KIAA0513: variants seen among roughly 807,000 people sequenced by gnomAD.
KIAA0513 encodes the protein KIAA0513, also known as uncharacterized protein KIAA0513.
In KIAA0513, 39 loss-of-function variants were observed where a neutral mutation model predicts 56.5. The ratio of observed to expected loss-of-function variants is 0.69; its 90% CI spans 0.53 to 0.90. The LOEUF (loss-of-function observed/expected upper bound fraction) is 0.90, where lower values mean the gene tolerates loss of function less well. Ranked by LOEUF, KIAA0513 falls within the 40% of genes least tolerant of loss-of-function variation. The pLI is 0.00. For synonymous variants in KIAA0513, 268 were observed against 215.6 expected, an observed-to-expected ratio of 1.24 and a Z score of -2.13; for missense variants, 591 against 535.2, an observed-to-expected ratio of 1.10 and a Z score of -1.03.
At position 85,078,409 on chromosome 16, in the gene KIAA0513, C is replaced by A. The variant is rs976626013; in HGVS notation, c.783-6C>A. 5.0e-6 allele frequency: 8 copies of A among 1,614,014 alleles called. No homozygotes were observed. In the Middle Eastern group the frequency reaches 1.2e-3, roughly 233 times the overall value. ...GTGTGTCATCATTGTGCCTTCTCTCCCTCAGGGAAGACGAGAACAAACCCC... is the reference window on the plus strand; with the variant it reads ...GTGTGTCATCATTGTGCCTTCTCTCACTCAGGGAAGACGAGAACAAACCCC... On this transcript the variant is annotated splice_polypyrimidine_tract_variant and splice_region_variant and intron_variant, in intron 6 of 12. Coordinates refer to ENST00000683363, the MANE Select transcript of KIAA0513 (RefSeq NM_001388359.1).
At chr16:85,056,892 A>G (rs1259467398) in intron 1 of KIAA0513, among the ~76,000 whole-genome samples, 1 of 151,980 alleles carries the variant, frequency 6.6e-6, no homozygotes, top group African/African-American at 2.4e-5. Context: ...TTTTGTAGAG[A>G]CAAGGTCTCT....
rs1041845409 is a variant in KIAA0513 at position 85,090,072 on chromosome 16, A to C, written c.*1747A>C. On this transcript the variant is annotated 3_prime_UTR_variant, in exon 13 of 13. Coordinates refer to ENST00000683363, the MANE Select transcript of KIAA0513 (RefSeq NM_001388359.1). ...CTGGGTCAGGGCTGGGGAGTTGTGC[A>C]GGCTGGGGTGACCCTTCCCCCATCA... 6.6e-6 allele frequency: 1 copy of C among 152,196 alleles called. No individual in the cohort carries two copies. The highest frequency in any genetic ancestry group is 1.9e-4 in the East Asian group (1 of 5,146). The allele number at this position is 152,196 out of a possible 1,614,324, so 9.4% of individuals were successfully genotyped here.
At position 85,050,508 on chromosome 16, in the gene KIAA0513, G is replaced by T. The variant is rs192745885; in HGVS notation, c.-172-16392G>T. Among the ~76,000 whole-genome samples the T allele has an allele frequency of 1.2e-4, 18 of 152,098 alleles. No individual in the cohort carries two copies. In the East Asian group the frequency reaches 3.5e-3, roughly 30 times the overall value. On this transcript the variant is annotated intron_variant, in intron 1 of 12. Transcript: ENST00000683363. ...TTTTTGTATTTTTAGTAGAGACAGG[G>T]TTTCACCATGTTGGCCAGGCTGGTC...
At chr16:85,034,470 C>A (rs1017571680) in intron 1 of KIAA0513, among the ~76,000 whole-genome samples, 11 of 152,234 alleles carry the variant, frequency 7.2e-5, no homozygotes, top group African/African-American at 2.4e-4. Context: ...AGAAATGAGT[C>A]TGTAGAGGTA....
chr16:85,049,413 G>T (rs139761246), intron 1 of KIAA0513, among the ~76,000 whole-genome samples: 2 of 152,200 alleles, frequency 1.3e-5, no homozygotes, highest in Non-Finnish European at 2.9e-5. Flanking sequence ...GTTCTGATAC[G>T]GTTTGGTTCT....
At chr16:85,075,242 C>G (rs141782270) in intron 4 of KIAA0513, among the ~76,000 whole-genome samples, 3 of 152,044 alleles carry the variant, frequency 2.0e-5, no homozygotes, top group East Asian at 1.9e-4. Context: ...TAGATAATTT[C>G]TTTTGACTTG....
rs11403480 is a variant in KIAA0513 at position 85,064,005 on chromosome 16, CTTT to C, written c.-172-2879_-172-2877del. 5.6e-5 allele frequency among the ~76,000 whole-genome samples: 7 copies of C among 124,876 alleles called. No homozygotes were observed. In the East Asian group the frequency reaches 1.2e-3, roughly 21 times the overall value. 81.9% of individuals were successfully genotyped at this position (124,876 alleles called of 152,430 possible). A position where few individuals can be genotyped will look rare whatever the true frequency, so the allele number is the denominator to read the frequency against. On this transcript the variant is annotated intron_variant, in intron 1 of 12. Transcript: ENST00000683363. ...CCATTTTACTATATTTATTTATTTACTTTTTTTTTTTTTTTTTTGAGGTGGAGA... is the reference window on the plus strand; with the variant it reads ...CCATTTTACTATATTTATTTATTTACTTTTTTTTTTTTTTTGAGGTGGAGA...
rs983303119 is a variant in KIAA0513 at position 85,074,339 on chromosome 16, C to T, written c.503+1341C>T. ...ACACACACACACACGTATATATACA[C>T]ACATACACACACACACACACACACA... On this transcript the variant is annotated intron_variant, in intron 4 of 12. Coordinates refer to ENST00000683363, the MANE Select transcript of KIAA0513 (RefSeq NM_001388359.1). Among the ~76,000 whole-genome samples the T allele has an allele frequency of 6.3e-3, 811 of 129,628 alleles. 6 individuals carry two copies. The highest frequency in any genetic ancestry group is 0.033 in the South Asian group (127 of 3,894). 85.0% of individuals were successfully genotyped at this position (129,628 alleles called of 152,430 possible). A position where few individuals can be genotyped will look rare whatever the true frequency, so the allele number is the denominator to read the frequency against.
rs1381034328 is a variant in KIAA0513, at chr16:85,086,625, T to G, written c.1011-19T>G. 4 of 1,611,880 alleles carry G rather than the reference T, an allele frequency of 2.5e-6. No individual in the cohort carries two copies. The highest frequency in any genetic ancestry group is 3.4e-6 in the Non-Finnish European group (4 of 1,179,040). On this transcript the variant is annotated intron_variant, in intron 10 of 12. Transcript: ENST00000683363. ...CAGCACCATCTGAGCCCCGCTTCTG[T>G]CACCTCCTGTGCTTGCAGGGAGAAG...
chr16:85,094,106 A>G lies in KIAA0513; in HGVS notation c.*5781A>G, dbSNP rs907890847. On this transcript the variant is annotated 3_prime_UTR_variant, in exon 13 of 13. Transcript: ENST00000683363. ...TCTGTTTTAAGGTTGAGAAAGTTTCAAGGGTGAAGATCTCAAAACAGTGCT... is the reference window on the plus strand; with the variant it reads ...TCTGTTTTAAGGTTGAGAAAGTTTCGAGGGTGAAGATCTCAAAACAGTGCT... 1 of 152,172 alleles carries G rather than the reference A, an allele frequency of 6.6e-6. No homozygotes were observed. The highest frequency in any genetic ancestry group is 6.5e-5 in the Admixed American group (1 of 15,278). The allele number at this position is 152,172 out of a possible 1,614,324, so 9.4% of individuals were successfully genotyped here. A position where few individuals can be genotyped will look rare whatever the true frequency, so the allele number is the denominator to read the frequency against.
intron 1 of KIAA0513, among the ~76,000 whole-genome samples, chr16:85,043,428 T>C (rs1331015073): frequency 6.8e-6 from 1 of 147,924 alleles, no homozygotes; most frequent in Non-Finnish European, 1.5e-5. Context: ...TTTTTTTTTT[T>C]TGAGACAGAG....
chr16:85,063,616 T>G (rs1172606681), intron 1 of KIAA0513: 1 of 152,266 alleles, frequency 6.6e-6, no homozygotes, highest in Non-Finnish European at 1.5e-5. Flanking sequence ...ATGGCCCTGC[T>G]ACTGCTTGAA....
chr16:85,051,091 A>G (rs2073246448), intron 1 of KIAA0513, among the ~76,000 whole-genome samples: 1 of 152,032 alleles, frequency 6.6e-6, no homozygotes, highest in Admixed American at 6.6e-5. Context: ...GTTAACATTG[A>G]GCTATGATTG....
chr16:85,072,500 C>A (rs1313986974), intron 3 of KIAA0513, among the ~76,000 whole-genome samples: 2 of 150,174 alleles, frequency 1.3e-5, no homozygotes, highest in African/African-American at 2.4e-5. Flanking sequence ...CCTGAGTGGC[C>A]TAAGTTTTTA....
chr16:85,067,174 G>A lies in KIAA0513; in HGVS notation c.103G>A (p.Asp35Asn), dbSNP rs374589898. 1.7e-5 allele frequency: 28 copies of A among 1,614,052 alleles called. No homozygotes were observed. The highest frequency in any genetic ancestry group is 1.6e-4 in the Middle Eastern group (1 of 6,082). The change falls in exon 2 of 13, where the codon GAT becomes AAT. Residue 35 changes from aspartate (D) to asparagine (N), a missense_variant. Physicochemically the swap from Asp to Asn is conservative, Grantham distance 23. Coordinates refer to ENST00000683363, the MANE Select transcript of KIAA0513 (RefSeq NM_001388359.1). ...ACCACCCCCTGTGCTGCAGGACGGC[G>A]ATGGCTCCCTGGGGGACGGTGCATC... ...EAPPPVLQDG[D>N]GSLGDGASES...
chr16:85,043,290 C>G (rs1304744727), intron 1 of KIAA0513, among the ~76,000 whole-genome samples: 3 of 152,114 alleles, frequency 2.0e-5, no homozygotes, highest in South Asian at 4.1e-4. Flanking sequence ...ACACACCACA[C>G]ATACCTGCGC....
At chr16:85,058,999 C>T (rs1432035586) in intron 1 of KIAA0513, among the ~76,000 whole-genome samples, 1 of 152,188 alleles carries the variant, frequency 6.6e-6, no homozygotes, top group Non-Finnish European at 1.5e-5. Flanking sequence ...TCCATATTGA[C>T]TGAGTATAAA....
At position 85,078,992 on chromosome 16, in the gene KIAA0513, A is replaced by G. The variant is rs751372728; in HGVS notation, c.891A>G (p.Gln297=). The G allele has an allele frequency of 7.4e-6, 12 of 1,614,182 alleles. No individual in the cohort carries two copies. In the Admixed American group the frequency reaches 1.7e-4, roughly 22 times the overall value. ...TCTACCTGTACACGCACCTGAAGCA[A>G]CAGCCCATCTGGTAAGGCCGAGCCC... ...EKIYLYTHLK[Q]QPIWHTLRFW... The change falls in exon 8 of 13, where the codon CAA becomes CAG. Residue 297 remains glutamine (Q), a synonymous_variant. Coordinates refer to ENST00000683363, the MANE Select transcript of KIAA0513 (RefSeq NM_001388359.1).
intron 1 of KIAA0513, among the ~76,000 whole-genome samples, chr16:85,037,467 A>G (rs927721202): frequency 6.6e-6 from 1 of 152,200 alleles, no homozygotes; most frequent in Non-Finnish European, 1.5e-5. Context: ...AATAGTAAGT[A>G]TCGAGAATGC....
Sources: allele counts gnomAD v4.1 joint callset (sites outside exome capture counted in the v4.1 genomes callset), GRCh38; gene constraint gnomAD v4.1.1; transcripts MANE v1.5; gene names NCBI Gene and HGNC (gene_info 2026-07-23, HGNC 2026-07-21).